NDUFAF2: variants seen among roughly 807,000 people sequenced by gnomAD.
The protein encoded by NDUFAF2 is NADH dehydrogenase [ubiquinone] 1 alpha subcomplex assembly factor 2.
In NDUFAF2, 13 loss-of-function variants were observed where a neutral mutation model predicts 22.8. The observed-to-expected ratio is 0.57, with a 90% CI of 0.37 to 0.91. NDUFAF2 has a LOEUF of 0.91. NDUFAF2 is among the 40% of genes least tolerant of loss of function. The pLI is 0.01. For missense variants in NDUFAF2, 162 were observed against 195.2 expected, an observed-to-expected ratio of 0.83 and a Z score of 1.01; for synonymous variants, 53 against 64.2, an observed-to-expected ratio of 0.83 and a Z score of 0.84.
chr5:61,071,582 A>G (rs1252078248), intron 1 of NDUFAF2, among the ~76,000 whole-genome samples: 1 of 152,220 alleles, frequency 6.6e-6, no homozygotes, highest in African/African-American at 2.4e-5. Flanking sequence ...GCAGGCATCA[A>G]GGTTAATTTC....
At chr5:61,144,008 G>T (rs1741095925) in intron 3 of NDUFAF2, among the ~76,000 whole-genome samples, 1 of 139,280 alleles carries the variant, frequency 7.2e-6, no homozygotes, top group Admixed American at 7.3e-5. Flanking sequence ...GTGTGTGTGT[G>T]TTCAACCTGC....
Position 60,978,463 on chromosome 5 carries a change from G to A in NDUFAF2, c.127+33081G>A, listed in dbSNP as rs113110850. On this transcript the variant is annotated intron_variant, in intron 1 of 3. Coordinates refer to ENST00000296597, the MANE Select transcript of NDUFAF2 (RefSeq NM_174889.5). ...GCCTCAGGAAACTTACAACCATGGC[G>A]GAAGGCAAATGGGAAACAGAAACAT... 2.4e-3 allele frequency among the ~76,000 whole-genome samples: 367 copies of A among 152,198 alleles called. 8 individuals are homozygous for A. Among genetic ancestry groups the A allele is most frequent in the African/African-American group, 8.6e-3 (356 of 41,524 alleles).
At chr5:60,983,725 A>T in intron 1 of NDUFAF2, among the ~76,000 whole-genome samples, 1 of 150,358 alleles carries the variant, frequency 6.7e-6, no homozygotes, top group South Asian at 2.1e-4. Flanking sequence ...ATGCGGCATT[A>T]TTTCTGAGGG....
chr5:61,107,630 C>T (rs1367576949), intron 3 of NDUFAF2, among the ~76,000 whole-genome samples: 1 of 150,818 alleles, frequency 6.6e-6, no homozygotes, highest in Admixed American at 6.6e-5. Context: ...ATTGCCTATG[C>T]TTGTGGGGTA....
intron 1 of NDUFAF2, among the ~76,000 whole-genome samples, chr5:61,057,853 A>G (rs1313718710): frequency 6.6e-6 from 1 of 152,148 alleles, no homozygotes; most frequent in Non-Finnish European, 1.5e-5. Context: ...CTCCTTCTAT[A>G]TCAGAATGTT....
At chr5:60,999,470 A>T (rs1751269339) in intron 1 of NDUFAF2, among the ~76,000 whole-genome samples, 1 of 152,106 alleles carries the variant, frequency 6.6e-6, no homozygotes, top group Non-Finnish European at 1.5e-5. Flanking sequence ...GCCAGACACA[A>T]AAGGGGACGT....
Position 60,981,417 on chromosome 5 carries a change from A to G in NDUFAF2, c.127+36035A>G, listed in dbSNP as rs147917681. ...ACTTCATTGATCTCAGACCTGTTGT[A>G]TGAAAAATGCTAAAGGGAGTTTTTA... is the stretch of plus-strand genomic sequence containing the variant. On this transcript the variant is annotated intron_variant, in intron 1 of 3. Coordinates refer to ENST00000296597, the MANE Select transcript of NDUFAF2 (RefSeq NM_174889.5). 4.2e-4 allele frequency among the ~76,000 whole-genome samples: 64 copies of G among 152,322 alleles called. No homozygotes were observed. In the East Asian group the frequency reaches 0.012, roughly 28 times the overall value.
chr5:61,113,510 G>A (rs1752871231), intron 3 of NDUFAF2, among the ~76,000 whole-genome samples: 1 of 152,166 alleles, frequency 6.6e-6, no homozygotes, highest in African/African-American at 2.4e-5. Flanking sequence ...TGTTGTGGGA[G>A]GGACCCAGTG....
intron 3 of NDUFAF2, among the ~76,000 whole-genome samples, chr5:61,109,034 A>G (rs892225928): frequency 5.3e-5 from 8 of 152,068 alleles, no homozygotes; most frequent in African/African-American, 1.7e-4. Context: ...GAATCTGTAG[A>G]TTGCTTTGGG....
At chr5:61,031,118 C>T (rs1371452607) in intron 1 of NDUFAF2, among the ~76,000 whole-genome samples, 1 of 152,004 alleles carries the variant, frequency 6.6e-6, no homozygotes, top group Non-Finnish European at 1.5e-5. Flanking sequence ...TTGATATGGG[C>T]GGTAGGCTCT....
intron 1 of NDUFAF2, among the ~76,000 whole-genome samples, chr5:60,964,390 A>G (rs1451994869): frequency 6.6e-6 from 1 of 152,008 alleles, no homozygotes; most frequent in East Asian, 1.9e-4. Context: ...GTATTACCTC[A>G]TAATTTTTTT....
At chr5:60,971,108 T>C (rs1424820748) in intron 1 of NDUFAF2, among the ~76,000 whole-genome samples, 3 of 151,010 alleles carry the variant, frequency 2.0e-5, no homozygotes, top group South Asian at 4.2e-4. Flanking sequence ...CTAATTCTAT[T>C]TTAATATTTG....
At chr5:61,015,197 A>C (rs1233113377) in intron 1 of NDUFAF2, among the ~76,000 whole-genome samples, 1 of 152,202 alleles carries the variant, frequency 6.6e-6, no homozygotes, top group Admixed American at 6.5e-5. Context: ...TAAAAATTTC[A>C]GTGACTAAAA....
intron 1 of NDUFAF2, among the ~76,000 whole-genome samples, chr5:61,057,621 G>T (rs1580116480): frequency 6.6e-6 from 1 of 152,168 alleles, no homozygotes; most frequent in South Asian, 2.1e-4. Flanking sequence ...AAGGTGGGTG[G>T]TACTCTGAAC....
intron 1 of NDUFAF2, among the ~76,000 whole-genome samples, chr5:61,020,798 T>C (rs1751572159): frequency 6.6e-6 from 1 of 152,020 alleles, no homozygotes; most frequent in Non-Finnish European, 1.5e-5. Flanking sequence ...CCTGGTTCAG[T>C]GATTCTCCTG....
At chr5:61,096,841 G>A (rs963068133) in intron 2 of NDUFAF2, among the ~76,000 whole-genome samples, 6 of 152,128 alleles carry the variant, frequency 3.9e-5, no homozygotes, top group African/African-American at 1.4e-4. Context: ...GCGAGCACTT[G>A]TAATCTCAGC....
chr5:61,068,866 C>G (rs143280567), intron 1 of NDUFAF2, among the ~76,000 whole-genome samples: 3 of 152,208 alleles, frequency 2.0e-5, no homozygotes, highest in African/African-American at 7.2e-5. Flanking sequence ...GAAAGTCTGG[C>G]AACATATCTT....
rs1405110158 is a variant in NDUFAF2 at position 61,007,823 on chromosome 5, A to C, written c.127+62441A>C. Among the ~76,000 whole-genome samples, 3 of 152,186 alleles carry C rather than the reference A, an allele frequency of 2.0e-5. No homozygotes were observed. The East Asian group carries it at 5.8e-4, about 29-fold the overall frequency. On this transcript the variant is annotated intron_variant, in intron 1 of 3. Coordinates refer to ENST00000296597, the MANE Select transcript of NDUFAF2 (RefSeq NM_174889.5). ...CTGGGTATATACCCAAAGGACTATA[A>C]GTCATGCTGCTATAAAGACACATGC...
At chr5:61,028,520 G>A (rs1301209701) in intron 1 of NDUFAF2, among the ~76,000 whole-genome samples, 4 of 151,938 alleles carry the variant, frequency 2.6e-5, no homozygotes, top group Admixed American at 1.3e-4. Flanking sequence ...CACTTAGGTC[G>A]GACCTAAAGT....
Sources: gnomAD v4.1 joint callset for allele counts (sites outside exome capture counted in the v4.1 genomes callset) on GRCh38, gnomAD v4.1.1 for gene constraint, MANE v1.5 for transcripts, NCBI Gene and HGNC (gene_info 2026-07-23, HGNC 2026-07-21) for gene names.